SYTL5: variants seen among roughly 807,000 people sequenced by gnomAD.
SYTL5 encodes synaptotagmin like 5.
In SYTL5, 34 loss-of-function variants were observed where a neutral mutation model predicts 55.9. That is an observed-to-expected ratio of 0.61 (90% confidence interval 0.46 to 0.81). The LOEUF (loss-of-function observed/expected upper bound fraction) is 0.81, where lower values mean the gene tolerates loss of function less well. Among genes scored for constraint, SYTL5 ranks in the 30% least tolerant of loss-of-function variants. The probability of loss-of-function intolerance (pLI) is 0.00; values close to 1 mark genes in which losing one functional copy is unlikely to be tolerated. For missense variants in SYTL5, 637 were observed against 546.7 expected, an observed-to-expected ratio of 1.17 and a Z score of -1.65; for synonymous variants, 221 against 188.7, an observed-to-expected ratio of 1.17 and a Z score of -1.40.
rs1936398465 is a variant in SYTL5 at position 38,076,706 on chromosome X, G to C, written c.689+5G>C. On this transcript the variant is annotated splice_donor_5th_base_variant and intron_variant, in intron 6 of 16. Transcript: ENST00000297875. ...ATCACCTCCTGGTTCAGACAGGTAA[G>C]AGTCATACAGATTGAGCAATGATGT... 4 of 1,205,933 alleles carry C rather than the reference G, an allele frequency of 3.3e-6. No individual in the cohort carries two copies. The highest frequency in any genetic ancestry group is 4.5e-6 in the Non-Finnish European group (4 of 893,403).
intron 6 of SYTL5, among the ~76,000 whole-genome samples, chrX:38,086,699 T>C (rs143558052): frequency 0.035 from 3,906 of 112,323 alleles, 65 homozygotes; most frequent in Middle Eastern, 0.068. Context: ...ACATAGCTTT[T>C]ATCATTTTCC....
intron 13 of SYTL5, among the ~76,000 whole-genome samples, chrX:38,115,740 C>A (rs1332523498): frequency 1.8e-5 from 2 of 111,498 alleles, no homozygotes; most frequent in African/African-American, 6.5e-5. Flanking sequence ...TGAGAGATGT[C>A]TGTTAAGATC....
chrX:37,909,438 A>G, the SYTL5 span, among the ~76,000 whole-genome samples: 2 of 111,481 alleles, frequency 1.8e-5, no homozygotes, highest in Non-Finnish European at 3.8e-5. Context: ...GTGGCTCAAC[A>G]CAAATTTGTA....
At chrX:37,995,368 G>C in the SYTL5 span, among the ~76,000 whole-genome samples, 1 of 112,139 alleles carries the variant, frequency 8.9e-6, no homozygotes, top group Non-Finnish European at 1.9e-5. Context: ...CATGGAGATT[G>C]TGTTGGGATT....
intron 6 of SYTL5, among the ~76,000 whole-genome samples, chrX:38,077,683 C>T (rs1413256463): frequency 1.8e-5 from 2 of 111,516 alleles, no homozygotes; most frequent in South Asian, 3.8e-4. Context: ...TACAAGGAAG[C>T]GTAAAGTCAT....
At chrX:38,045,207 A>G (rs912041493) in intron 2 of SYTL5, among the ~76,000 whole-genome samples, 12 of 112,188 alleles carry the variant, frequency 1.1e-4, no homozygotes, top group African/African-American at 3.9e-4. Flanking sequence ...TTACAGAGAC[A>G]GATAATGTTT....
the SYTL5 span, among the ~76,000 whole-genome samples, chrX:37,952,487 G>A: frequency 3.6e-5 from 4 of 111,589 alleles, no homozygotes; most frequent in Non-Finnish European, 5.7e-5. Context: ...AGCAAATCAC[G>A]TGGATAAGCC....
At position 38,073,622 on chromosome X, in the gene SYTL5, C is replaced by T. The variant is rs187576403; in HGVS notation, c.478C>T (p.Arg160Cys). ...AGAAGTACAGAGCCAAGAGCAAACC[C>T]GCCAGGATGCAGAAAAGTCAGACAC... Reference protein sequence around the residue: ...AEEVQSQEQTRQDAEKSDTSP... With the variant: ...AEEVQSQEQTCQDAEKSDTSP... Residue 160 changes from arginine (R) to cysteine (C), a missense_variant, in exon 5 of 17, where the codon CGC becomes TGC. Transcript: ENST00000297875. 53 of 1,194,563 alleles carry T rather than the reference C, an allele frequency of 4.4e-5. No homozygotes were observed. The highest frequency in any genetic ancestry group is 7.4e-5 in the South Asian group (4 of 53,984).
At chrX:38,062,617 C>T (rs1212097856) in intron 3 of SYTL5, among the ~76,000 whole-genome samples, 1 of 111,520 alleles carries the variant, frequency 9.0e-6, no homozygotes, top group East Asian at 2.8e-4. Flanking sequence ...CACTGACAAA[C>T]CTAGTCCCTT....
the SYTL5 span, among the ~76,000 whole-genome samples, chrX:37,990,304 C>A: frequency 9.0e-6 from 1 of 111,624 alleles, no homozygotes; most frequent in Non-Finnish European, 1.9e-5. Context: ...AAAGGGAAAC[C>A]AAAGAGTTGA....
At chrX:37,972,137 G>A in the SYTL5 span, among the ~76,000 whole-genome samples, 55 of 110,347 alleles carry the variant, frequency 5.0e-4, no homozygotes, top group Middle Eastern at 4.7e-3. Flanking sequence ...TGAGGCTCCC[G>A]GTCACCCAAG....
At chrX:37,969,822 C>T in the SYTL5 span, among the ~76,000 whole-genome samples, 1 of 111,378 alleles carries the variant, frequency 9.0e-6, no homozygotes, top group East Asian at 2.8e-4. Context: ...TTAGTAGATA[C>T]AGGATTTCAC....
rs1051741005 is a variant in SYTL5 at position 38,128,805 on chromosome X, G to A, written c.*2075G>A. The A allele has an allele frequency of 8.9e-6, 1 of 111,748 alleles. No homozygotes were observed. The highest frequency in any genetic ancestry group is 2.8e-4 in the East Asian group (1 of 3,580). 9.2% of individuals were successfully genotyped at this position (111,748 alleles called of 1,213,427 possible). On this transcript the variant is annotated 3_prime_UTR_variant, in exon 17 of 17. Coordinates refer to ENST00000297875, the MANE Select transcript of SYTL5 (RefSeq NM_138780.3). ...ACATAGGAAAAATAAAATGTCTTCA[G>A]ACTTGATGTGACTCATTCTGTCTTC...
At chrX:37,981,592 C>T in the SYTL5 span, among the ~76,000 whole-genome samples, 70 of 111,557 alleles carry the variant, frequency 6.3e-4, no homozygotes, top group African/African-American at 2.0e-3. Flanking sequence ...CCACCGCGCC[C>T]GGCCTGAGAG....
At chrX:38,112,695 G>A (rs957715053) in intron 13 of SYTL5, among the ~76,000 whole-genome samples, 2 of 111,931 alleles carry the variant, frequency 1.8e-5, no homozygotes, top group African/African-American at 6.5e-5. Context: ...TGCTCTATAT[G>A]CTGCCTTGTG....
At chrX:38,052,257 G>A (rs1026190966) in intron 2 of SYTL5, among the ~76,000 whole-genome samples, 6 of 112,129 alleles carry the variant, frequency 5.4e-5, no homozygotes, top group Non-Finnish European at 1.1e-4. Flanking sequence ...GGACTTAAAA[G>A]TGCTTAGTAT....
chrX:37,904,241 A>G, the SYTL5 span, among the ~76,000 whole-genome samples: 1 of 101,683 alleles, frequency 9.8e-6, no homozygotes, highest in Admixed American at 1.1e-4. Context: ...AAACAAACAA[A>G]AAAGAGGTGT....
chrX:38,110,323 C>T lies in SYTL5; in HGVS notation c.1437C>T (p.Tyr479=). Residue 479 remains tyrosine, a splice_region_variant and synonymous_variant, in exon 13 of 17, where the codon TAC becomes TAT. Coordinates refer to ENST00000297875, the MANE Select transcript of SYTL5 (RefSeq NM_138780.3). ...AATGTTGTAAATCTCATTCGCAGTA[C>T]ACTATCAGCCATACCCAGCTGGAAA... ...TNPEFNETLK[Y]TISHTQLETR... The T allele has an allele frequency of 8.4e-7, 1 of 1,197,083 alleles. No individual in the cohort carries two copies. The highest frequency in any genetic ancestry group is 1.7e-5 in the African/African-American group (1 of 57,299).
Position 38,072,127 on chromosome X carries a change from A to T in SYTL5, c.410A>T (p.Asp137Val). The T allele has an allele frequency of 8.3e-7, 1 of 1,210,046 alleles. No individual in the cohort carries two copies. The highest frequency in any genetic ancestry group is 1.1e-6 in the Non-Finnish European group (1 of 894,194). Residue 137 changes from aspartate to valine, a missense_variant, in exon 4 of 17, where the codon GAT becomes GTT. Transcript: ENST00000297875. ...RFKQVNVLGTDVVRQSILRRS... is the reference protein window; with the variant it reads ...RFKQVNVLGTVVVRQSILRRS... The stretch of plus-strand genomic sequence containing the variant: ...AAGCAAGTCAATGTTCTCGGCACTG[A>T]TGTTGTCCGACAGTCCATTTTAAGA...
Sources: gnomAD v4.1 joint callset for allele counts (sites outside exome capture counted in the v4.1 genomes callset) on GRCh38, gnomAD v4.1.1 for gene constraint, MANE v1.5 for transcripts, NCBI Gene and HGNC (gene_info 2026-07-23, HGNC 2026-07-21) for gene names.